The following OFD1 variants were observed in gnomAD, a reference collection of about 807,000 sequenced individuals.
OFD1 encodes the protein centriole and centriolar satellite protein OFD1.
In OFD1, 12 loss-of-function variants were observed where a neutral mutation model predicts 81.4. The ratio of observed to expected loss-of-function variants is 0.15; its 90% CI spans 0.09 to 0.24. The LOEUF (loss-of-function observed/expected upper bound fraction) is 0.24, where lower values mean the gene tolerates loss of function less well. Ranked by LOEUF, OFD1 falls within the 10% of genes least tolerant of loss-of-function variation. The pLI is 1.00. For synonymous variants in OFD1, 256 were observed against 263.7 expected, an observed-to-expected ratio of 0.97 and a Z score of 0.28; for missense variants, 685 against 733.9, an observed-to-expected ratio of 0.93 and a Z score of 0.77.
chrX:13,761,623 G>A (rs983680912), intron 17 of OFD1, among the ~76,000 whole-genome samples: 2 of 112,135 alleles, frequency 1.8e-5, no homozygotes, highest in African/African-American at 6.5e-5. Flanking sequence ...AAATATTTTG[G>A]CATTGAAATA....
upstream of OFD1, among the ~76,000 whole-genome samples, chrX:13,730,235 A>C (rs1477684855): frequency 9.0e-6 from 1 of 111,101 alleles, no homozygotes; most frequent in Non-Finnish European, 1.9e-5. Flanking sequence ...GAAAAAAAAA[A>C]ACCCCATCAA....
upstream of OFD1, chrX:13,734,379 T>A: frequency 6.8e-6 from 2 of 293,175 alleles, no homozygotes; most frequent in Non-Finnish European, 1.2e-5. Flanking sequence ...GCTGCGCGGA[T>A]GAGCCAGCGG....
chrX:13,734,587 G>A (rs1258162555), upstream of OFD1: 13 of 651,230 alleles, frequency 2.0e-5, no homozygotes, highest in South Asian at 6.4e-5. Flanking sequence ...CCCGCGCCCC[G>A]AACCTGTAGC....
downstream of OFD1, chrX:13,771,966 G>A (rs749023190): frequency 1.8e-5 from 2 of 112,408 alleles, no homozygotes; most frequent in Admixed American, 1.9e-4. Context: ...TTCGTATCCA[G>A]ACCACTGAAA....
chrX:13,762,480 GA>G, intron 18 of OFD1, 36 bp downstream of exon 18: 1 of 878,704 alleles, frequency 1.1e-6, no homozygotes, highest in Non-Finnish European at 1.7e-6. Context: ...TTTATATGTT[GA>G]AAATCTAGAA....
At chrX:13,734,725 A>T (rs926517335), upstream of OFD1, 4 of 1,013,058 alleles carry the variant, frequency 3.9e-6, no homozygotes, top group Non-Finnish European at 2.5e-6. Flanking sequence ...GGCTATATTT[A>T]GCAGGTTTCC....
downstream of OFD1, chrX:13,773,333 A>G (rs1316442170): frequency 5.4e-6 from 1 of 185,006 alleles, no homozygotes; most frequent in African/African-American, 3.1e-5. Flanking sequence ...TTTTAATACC[A>G]TTTTGAGAGT....
rs199758564 is a variant in OFD1 at position 13,735,068 on chromosome X, C to G, written c.-4C>G. On this transcript the variant is annotated 5_prime_UTR_variant, in exon 1 of 23. Coordinates refer to ENST00000340096, the MANE Select transcript of OFD1 (RefSeq NM_003611.3). ...AGGCGGGCTCCGGAGGGAGCTGACG[C>G]CTGATGATGGCGCAGGTAGACACAC... 12 of 1,194,370 alleles carry G rather than the reference C, an allele frequency of 1.0e-5. No individual in the cohort carries two copies. Among genetic ancestry groups the G allele is most frequent in the Middle Eastern group, 2.5e-4 (1 of 3,983 alleles).
chrX:13,744,547 A>C, intron 6 of OFD1, 28 bp downstream of exon 6: 1 of 891,523 alleles, frequency 1.1e-6, no homozygotes, highest in Middle Eastern at 2.8e-4. Flanking sequence ...TCTTAATTTC[A>C]GTTCTGCTGT....
In OFD1 at chrX:13,768,109, A is replaced by T. The variant is rs747006685; in HGVS notation, c.2813A>T (p.Asn938Ile). 1 of 1,180,509 alleles carries T rather than the reference A, an allele frequency of 8.5e-7. No homozygotes were observed. Among genetic ancestry groups the T allele is most frequent in the Non-Finnish European group, 1.2e-6 (1 of 866,838 alleles). Residue 938 changes from asparagine (N) to isoleucine (I), a missense_variant, in exon 21 of 23, where the codon AAT becomes ATT. Asn to Ile is a moderately radical substitution (Grantham distance 149, BLOSUM62 -3). Around this residue, in one of 3 missense-constraint regions of OFD1, gnomAD observed 259 missense variants for 254.4 expected, o/e 1.02. Transcript: ENST00000340096. ...IKIKKELEMENELEMSNQEIK... is the reference protein window; with the variant it reads ...IKIKKELEMEIELEMSNQEIK... ...ATAAAAAAGGAATTAGAAATGGAAAATGAATTAGAAATGAGTAATCAAGAA... is the reference window on the plus strand; with the variant it reads ...ATAAAAAAGGAATTAGAAATGGAAATTGAATTAGAAATGAGTAATCAAGAA...
In OFD1 at chrX:13,741,976, C is replaced by T. The variant is rs1473712487; in HGVS notation, c.413-2439C>T. Among the ~76,000 whole-genome samples, 7 of 111,685 alleles carry T rather than the reference C, an allele frequency of 6.3e-5. No individual in the cohort carries two copies. The South Asian group carries it at 1.1e-3, about 18-fold the overall frequency. ...CATCTGGACGTATATATGCAGGTTA[C>T]GGGGGTTACAATGGCTGAGCTTCGG... On this transcript the variant is annotated intron_variant, in intron 5 of 22. Coordinates refer to ENST00000340096, the MANE Select transcript of OFD1 (RefSeq NM_003611.3).
chrX:13,754,760 C>T (rs1203199355), intron 11 of OFD1, among the ~76,000 whole-genome samples: 2 of 112,731 alleles, frequency 1.8e-5, no homozygotes, highest in East Asian at 5.5e-4. Flanking sequence ...AATACCATTA[C>T]GTATGTAACA....
rs754871536 is a variant in OFD1, at chrX:13,757,706, A to G, written c.1458A>G (p.Leu486=). Residue 486 remains leucine, a synonymous_variant, in exon 14 of 23, where the codon CTA becomes CTG. Coordinates refer to ENST00000340096, the MANE Select transcript of OFD1 (RefSeq NM_003611.3). ...AACTTGCAGTCTTTCAGAAAGAACT[A>G]CGGAAAGCCGAAAAGGCTATAGTGG... ...APELAVFQKE[L]RKAEKAIVVE... The G allele has an allele frequency of 6.6e-6, 8 of 1,210,029 alleles. No individual in the cohort carries two copies. The South Asian group carries it at 1.2e-4, about 19-fold the overall frequency.
chrX:13,718,450 G>GA, the OFD1 span, among the ~76,000 whole-genome samples: 15 of 112,625 alleles, frequency 1.3e-4, no homozygotes, highest in East Asian at 8.4e-4. Flanking sequence ...GGTAGCAGGA[G>GA]AAAGAACTAA....
At chrX:13,714,608 A>G in the OFD1 span, 1 of 442,224 alleles carries the variant, frequency 2.3e-6, no homozygotes, top group African/African-American at 2.5e-5. Context: ...AAGACATTCC[A>G]AAGTCTAAAG....
chrX:13,731,514 T>A (rs1381257123), upstream of OFD1, among the ~76,000 whole-genome samples: 3 of 112,285 alleles, frequency 2.7e-5, no homozygotes, highest in African/African-American at 6.5e-5. Context: ...TTACGAAATA[T>A]TTTGGTATCT....
intron 7 of OFD1, 81 bp downstream of exon 7, chrX:13,746,536 ATATC>A (rs1483179614): frequency 9.2e-7 from 1 of 1,089,676 alleles, no homozygotes; most frequent in East Asian, 3.0e-5. Context: ...ATATGGGAAA[ATATC>A]TAGAACTTTT....
chrX:13,754,413 CTTTT>C (rs869303506), intron 11 of OFD1, among the ~76,000 whole-genome samples: 2 of 90,224 alleles, frequency 2.2e-5, no homozygotes, highest in African/African-American at 8.4e-5. Flanking sequence ...TGGCTACTGT[CTTTT>C]TTTTTTTTTT....
chrX:13,736,337 C>T, intron 2 of OFD1, 141 bp from the exon 3 acceptor site: 1 of 1,086,291 alleles, frequency 9.2e-7, no homozygotes, highest in East Asian at 3.3e-5. Flanking sequence ...AACTTCTGGC[C>T]ATGGATCTAG....
Sources: allele counts gnomAD v4.1 joint callset (sites outside exome capture counted in the v4.1 genomes callset), GRCh38; gene constraint gnomAD v4.1.1; regional missense constraint gnomAD v4.1.1; transcripts MANE v1.5; gene names NCBI Gene and HGNC (gene_info 2026-07-23, HGNC 2026-07-21).